Variants in WDR11 observed in about 807,000 individuals in gnomAD.
WDR11 encodes WD repeat domain 11.
Under a neutral mutation model 151.2 loss-of-function variants are expected in WDR11, and 83 were observed. That is an observed-to-expected ratio of 0.55 (90% CI 0.46 to 0.66). The LOEUF is 0.66. Ranked by LOEUF, WDR11 falls within the 30% of genes least tolerant of loss-of-function variation. The probability of loss-of-function intolerance (pLI) is 0.00; values close to 1 mark genes in which losing one functional copy is unlikely to be tolerated. For synonymous variants in WDR11, 484 were observed against 533.1 expected, an observed-to-expected ratio of 0.91 and a Z score of 1.27; for missense variants, 1,301 against 1,480.9, an observed-to-expected ratio of 0.88 and a Z score of 1.99.
Position 120,851,461 on chromosome 10 carries a change from C to T in WDR11, c.41C>T (p.Thr14Ile), listed in dbSNP as rs2133715753. Residue 14 changes from threonine to isoleucine, a missense_variant, in exon 1 of 29, where the codon ACC (threonine) becomes ATC (isoleucine). This residue lies in a region of WDR11 where 692 missense variants were observed against 762.5 expected (regional missense o/e 0.91). Transcript: ENST00000263461. The stretch of plus-strand genomic sequence containing the variant: ...GTGAACTTCAAGGTGTCGGCGCGCA[C>T]CCTCACGGGGGCCCTCAACGCCCAC... ...YTVNFKVSARTLTGALNAHNK... is the reference protein window; with the variant it reads ...YTVNFKVSARILTGALNAHNK... 1 of 1,612,318 alleles carries T rather than the reference C, an allele frequency of 6.2e-7. No individual in the cohort carries two copies. Among genetic ancestry groups the T allele is most frequent in the Non-Finnish European group, 8.5e-7 (1 of 1,179,792 alleles).
chr10:120,869,315 G>A (rs1846438636), intron 9 of WDR11, among the ~76,000 whole-genome samples: 2 of 151,704 alleles, frequency 1.3e-5, no homozygotes, highest in African/African-American at 4.8e-5. Context: ...GGGTTTCACT[G>A]TGTTAGCCAG....
At chr10:120,893,814 T>C (rs527811830) in intron 19 of WDR11, among the ~76,000 whole-genome samples, 114 of 151,116 alleles carry the variant, frequency 7.5e-4, no homozygotes, top group Middle Eastern at 3.4e-3. Context: ...AAATGTCTTC[T>C]TTTGAGAAGT....
intron 7 of WDR11, 138 bp from the exon 8 acceptor site, chr10:120,866,430 TA>T: frequency 1.1e-6 from 1 of 918,284 alleles, no homozygotes; most frequent in Non-Finnish European, 1.7e-6. Flanking sequence ...GTAGTAATTG[TA>T]AAAAGTGAAG....
At chr10:120,852,362 CT>C in intron 1 of WDR11, 161 bp from the exon 2 acceptor site, 1 of 640,226 alleles carries the variant, frequency 1.6e-6, no homozygotes, top group Non-Finnish European at 2.8e-6. Context: ...TTAGCCAGAT[CT>C]TTTATTTAAG....
chr10:120,853,023 A>T (rs1845832993), intron 2 of WDR11, among the ~76,000 whole-genome samples: 1 of 151,544 alleles, frequency 6.6e-6, no homozygotes, highest in South Asian at 2.1e-4. Flanking sequence ...AAAACAGAGG[A>T]GCTGCATATT....
Position 120,904,671 on chromosome 10 carries a change from T to C in WDR11, c.3053T>C (p.Leu1018Ser), listed in dbSNP as rs758475193. ...GQTDRAVQLL[L>S]ETSADNQHYY... ...ACAGACAGAGCTGTGCAGTTGCTGT[T>C]GGAAACAAGTGCAGATAACCAGCAT... Residue 1018 changes from leucine to serine, a missense_variant, in exon 25 of 29, where the codon TTG becomes TCG. By Grantham distance (145) the Leu-to-Ser change is moderately radical. This residue lies in a region of WDR11 where 589 missense variants were observed against 670.6 expected (regional missense o/e 0.88). Transcript: ENST00000263461. The C allele has an allele frequency of 6.2e-7, 1 of 1,614,244 alleles. No individual in the cohort carries two copies. Among genetic ancestry groups the C allele is most frequent in the South Asian group, 1.1e-5 (1 of 91,084 alleles).
chr10:120,897,136 T>C (rs761913558), intron 19 of WDR11, among the ~76,000 whole-genome samples: 8 of 152,126 alleles, frequency 5.3e-5, no homozygotes, highest in African/African-American at 9.7e-5. Context: ...CGAAAACTAA[T>C]GGTGGTATTG....
At chr10:120,858,878 C>CAAA in intron 3 of WDR11, 82 bp downstream of exon 3, 3 of 1,543,596 alleles carry the variant, frequency 1.9e-6, no homozygotes, top group African/African-American at 1.4e-5. Context: ...GGTTTTCCCC[C>CAAA]ATTCATTTAA....
chr10:120,880,862 A>G lies in WDR11; in HGVS notation c.1700A>G (p.Asp567Gly), dbSNP rs2133775037. ...GCTTTTCGTGGTGAAAGAGGCAATG[A>G]TGAATCTGCCATCGAAATGATTAAA... ...SIAFRGERGN[D>G]ESAIEMIKVS... The change falls in exon 13 of 29, where the codon GAT becomes GGT. Residue 567 changes from aspartate (D) to glycine (G), a missense_variant. Physicochemically the swap from Asp to Gly is moderately conservative, Grantham distance 94. Transcript: ENST00000263461. The G allele has an allele frequency of 6.2e-7, 1 of 1,605,590 alleles. No homozygotes were observed. The highest frequency in any genetic ancestry group is 1.7e-4 in the Middle Eastern group (1 of 6,046).
chr10:120,858,911 C>T, intron 3 of WDR11, 115 bp downstream of exon 3: 4 of 1,323,498 alleles, frequency 3.0e-6, no homozygotes, highest in Non-Finnish European at 4.2e-6. Context: ...CAAGTTAGCT[C>T]TTGATTGTGT....
intron 10 of WDR11, among the ~76,000 whole-genome samples, chr10:120,872,646 TG>T (rs1846588374): frequency 6.6e-6 from 1 of 152,120 alleles, no homozygotes; most frequent in African/African-American, 2.4e-5. Context: ...TAATTCTCCT[TG>T]TGGTGCCCCT....
Position 120,883,899 on chromosome 10 carries a change from A to G in WDR11, c.1848+11A>G, listed in dbSNP as rs758304903. On this transcript the variant is annotated intron_variant, in intron 14 of 28. Transcript: ENST00000263461. ...ACAATAACTGCTTTGGTAAGTTACA[A>G]TTTAAGAATTTAATAGCTTATTTAG... is the stretch of plus-strand genomic sequence containing the variant. 16 of 1,593,540 alleles carry G rather than the reference A, an allele frequency of 1.0e-5. No homozygotes were observed. The highest frequency in any genetic ancestry group is 1.0e-4 in the Admixed American group (6 of 59,840).
intron 9 of WDR11, among the ~76,000 whole-genome samples, chr10:120,869,105 G>GTTTTTTTTTTTTTTTTTTTTT (rs1491035622): frequency 4.2e-5 from 3 of 71,634 alleles, no homozygotes; most frequent in Non-Finnish European, 3.3e-5. Flanking sequence ...ATAAATTACA[G>GTTTTTTTTTTTTTTTTTTTTT]GTTTTTTTTT....
chr10:120,901,242 C>T, intron 21 of WDR11, 144 bp downstream of exon 21: 1 of 755,148 alleles, frequency 1.3e-6, no homozygotes, highest in Non-Finnish European at 2.3e-6. Context: ...TAGAGGTTTG[C>T]TTCCCGTTAG....
intron 19 of WDR11, among the ~76,000 whole-genome samples, chr10:120,893,678 T>G (rs1180453906): frequency 6.6e-6 from 1 of 151,784 alleles, no homozygotes; most frequent in Non-Finnish European, 1.5e-5. Context: ...CAGCACCTGT[T>G]GTTTCCTGAC....
intron 12 of WDR11, chr10:120,880,495 A>C (rs1252074823): frequency 6.1e-6 from 2 of 327,038 alleles, no homozygotes; most frequent in African/African-American, 4.3e-5. Flanking sequence ...CCCCATCTCT[A>C]CTAGGAGTAC....
At chr10:120,890,631 A>C in intron 18 of WDR11, 85 bp from the exon 19 acceptor site, 1 of 1,551,088 alleles carries the variant, frequency 6.4e-7, no homozygotes, top group Non-Finnish European at 8.9e-7. Context: ...CCTTTGCCAC[A>C]GACTGTCTTC....
At chr10:120,889,566 A>G in intron 17 of WDR11, 1 of 420,990 alleles carries the variant, frequency 2.4e-6, no homozygotes. Flanking sequence ...ATATGGTTCC[A>G]TTAGAGGCTT....
At chr10:120,872,403 G>A (rs960960090) in intron 10 of WDR11, among the ~76,000 whole-genome samples, 1 of 152,128 alleles carries the variant, frequency 6.6e-6, no homozygotes, top group African/African-American at 2.4e-5. Context: ...TTATGTCAGT[G>A]TTCCTGATTT....
Sources: allele counts gnomAD v4.1 joint callset (sites outside exome capture counted in the v4.1 genomes callset), GRCh38; gene constraint gnomAD v4.1.1; regional missense constraint gnomAD v4.1.1; transcripts MANE v1.5; gene names NCBI Gene and HGNC (gene_info 2026-07-23, HGNC 2026-07-21).